The following EYA1 variants were observed in gnomAD, a reference collection of about 807,000 sequenced individuals.
EYA1 encodes EYA transcriptional coactivator and phosphatase 1.
A neutral mutation model predicts 82.0 loss-of-function variants in EYA1; 16 were observed. That is an observed-to-expected ratio of 0.20 (90% CI 0.13 to 0.30). The LOEUF (loss-of-function observed/expected upper bound fraction) is 0.30, where lower values mean the gene tolerates loss of function less well. EYA1 is among the 10% of genes least tolerant of loss of function. The pLI, the probability that EYA1 is intolerant of heterozygous loss-of-function variation, is 1.00. For synonymous variants in EYA1, 261 were observed against 264.4 expected (o/e 0.99, Z 0.12); for missense variants, 633 against 730.7 (o/e 0.87, Z 1.54).
At chr8:71,332,321 T>C (rs981199635) in intron 4 of EYA1, among the ~76,000 whole-genome samples, 6 of 152,126 alleles carry the variant, frequency 3.9e-5, no homozygotes, top group South Asian at 4.1e-4. Flanking sequence ...CAAACCCTAA[T>C]ATACTTGGCA....
rs192439880 is a variant in EYA1, at chr8:71,472,458, A to G, written c.33+63286T>C. Among the ~76,000 whole-genome samples, 216 of 152,232 alleles carry G rather than the reference A, an allele frequency of 1.4e-3. 1 individual carries two copies. Among genetic ancestry groups the G allele is most frequent in the African/African-American group, 4.9e-3 (203 of 41,570 alleles). ...TTAACCTTGTATGCAGTTTTGAATT[A>G]AAAATAGGTCAAGGCATAACCATGT... On this transcript the variant is annotated intron_variant, in intron 2 of 18. Coordinates refer to the EYA1 transcript ENST00000643681.
At chr8:71,219,796 T>C (rs1563639896) in intron 12 of EYA1, among the ~76,000 whole-genome samples, 1 of 152,154 alleles carries the variant, frequency 6.6e-6, no homozygotes, top group Non-Finnish European at 1.5e-5. Flanking sequence ...GAAACTGAAG[T>C]CTCCCATCAG....
At chr8:71,430,954 G>T (rs1179330893) in intron 2 of EYA1, among the ~76,000 whole-genome samples, 2 of 151,788 alleles carry the variant, frequency 1.3e-5, no homozygotes, top group African/African-American at 4.8e-5. Flanking sequence ...AAGACAGCTT[G>T]GCTTTAATTA....
At chr8:71,477,346 T>C (rs1429820280) in intron 2 of EYA1, among the ~76,000 whole-genome samples, 1 of 152,132 alleles carries the variant, frequency 6.6e-6, no homozygotes, top group African/African-American at 2.4e-5. Flanking sequence ...CAAGACTGTG[T>C]AAAGAACTCT....
intron 2 of EYA1, among the ~76,000 whole-genome samples, chr8:71,471,918 A>C (rs945860971): frequency 1.3e-5 from 2 of 152,078 alleles, no homozygotes; most frequent in Admixed American, 1.3e-4. Context: ...TTAAACTGAA[A>C]AACACAAAAT....
chr8:71,372,199 A>C (rs1417190777), intron 2 of EYA1, among the ~76,000 whole-genome samples: 1 of 152,140 alleles, frequency 6.6e-6, no homozygotes, highest in Admixed American at 6.5e-5. Context: ...ACTTCTAGAG[A>C]GAAAAAACAG....
At chr8:71,377,704 A>G (rs2129096328) in intron 2 of EYA1, among the ~76,000 whole-genome samples, 1 of 152,140 alleles carries the variant, frequency 6.6e-6, no homozygotes, top group South Asian at 2.1e-4. Flanking sequence ...CATCTTCTCA[A>G]ACTTAAACTT....
intron 2 of EYA1, among the ~76,000 whole-genome samples, chr8:71,461,004 A>C (rs1318182079): frequency 1.3e-5 from 2 of 152,256 alleles, no homozygotes; most frequent in Admixed American, 1.3e-4. Context: ...AGGAAGAACA[A>C]ACAGCATATG....
Position 71,361,927 on chromosome 8 carries a change from GAA to G in EYA1, c.-337_-336del. On this transcript the variant is annotated 5_prime_UTR_variant, in exon 1 of 18. It removes the in-frame stop codon of an upstream open reading frame in the 5' UTR. Coordinates refer to ENST00000340726, the MANE Select transcript of EYA1 (RefSeq NM_000503.6). The stretch of plus-strand genomic sequence containing the variant: ...AACCCGCCACAGTGGACGGCAACAG[GAA>G]GGCTTAAAGTCGGAAGTGGCACTGG... 1.0e-6 allele frequency: 1 copy of G among 985,466 alleles called. No homozygotes were observed. Among genetic ancestry groups the G allele is most frequent in the Non-Finnish European group, 1.2e-6 (1 of 829,974 alleles). 61.0% of individuals were successfully genotyped at this position (985,466 alleles called of 1,614,324 possible).
intron 1 of EYA1, among the ~76,000 whole-genome samples, chr8:71,539,630 G>T: frequency 6.6e-6 from 1 of 152,216 alleles, no homozygotes; most frequent in Non-Finnish European, 1.5e-5. Context: ...AAGGAAAGTG[G>T]TGGAGGAGAA....
chr8:71,348,726 C>T (rs1237007116), intron 3 of EYA1, among the ~76,000 whole-genome samples: 1 of 152,168 alleles, frequency 6.6e-6, no homozygotes, highest in Non-Finnish European at 1.5e-5. Flanking sequence ...CAGCCATTCT[C>T]TCTCCTCCAG....
Position 71,395,370 on chromosome 8 carries a change from A to G in EYA1, c.34-38859T>C, listed in dbSNP as rs191999841. Among the ~76,000 whole-genome samples, 183 of 152,300 alleles carry G rather than the reference A, an allele frequency of 1.2e-3. 1 individual carries two copies. Among genetic ancestry groups the G allele is most frequent in the Non-Finnish European group, 2.2e-3 (150 of 68,014 alleles). On this transcript the variant is annotated intron_variant, in intron 2 of 18. Transcript: ENST00000643681. Reference sequence around the variant, plus strand: ...AGAGAGGGCATCCCTGTCTTGTGCCAGTTTTCAAAGGGAATGCTTCCAGTT... The same window carrying G: ...AGAGAGGGCATCCCTGTCTTGTGCCGGTTTTCAAAGGGAATGCTTCCAGTT...
chr8:71,361,883 A>T lies in EYA1; in HGVS notation c.-291T>A. On this transcript the variant is annotated 5_prime_UTR_variant, in exon 1 of 18. Transcript: ENST00000340726. ...TCGGGCTGCCGAGCGACTGAGCGAA[A>T]ACGTGTTCCCCAGGAAGAAACCCGC... 1 of 985,492 alleles carries T rather than the reference A, an allele frequency of 1.0e-6. No homozygotes were observed. Among genetic ancestry groups the T allele is most frequent in the Non-Finnish European group, 1.2e-6 (1 of 829,988 alleles). The allele number at this position is 985,492 out of a possible 1,614,324, so 61.0% of individuals were successfully genotyped here.
intron 2 of EYA1, among the ~76,000 whole-genome samples, chr8:71,450,283 C>T (rs1807252161): frequency 1.3e-5 from 2 of 152,182 alleles, no homozygotes; most frequent in African/African-American, 4.8e-5. Context: ...TCATTCCTAG[C>T]TTTTGACTAA....
chr8:71,352,134 G>A (rs1025909276), intron 3 of EYA1, among the ~76,000 whole-genome samples: 6 of 152,058 alleles, frequency 3.9e-5, no homozygotes, highest in Non-Finnish European at 7.4e-5. Context: ...TTAATTCATC[G>A]GTAAACACTG....
intron 2 of EYA1, among the ~76,000 whole-genome samples, chr8:71,396,713 A>G (rs1209524324): frequency 6.6e-6 from 1 of 152,156 alleles, no homozygotes; most frequent in African/African-American, 2.4e-5. Flanking sequence ...ACTTCCAACT[A>G]TGTGGTCAAT....
In EYA1 at chr8:71,198,826, TG is replaced by T. The variant is rs1806573092; in HGVS notation, c.*513del. 1 of 163,154 alleles carries T rather than the reference TG, an allele frequency of 6.1e-6. No homozygotes were observed. Among genetic ancestry groups the T allele is most frequent in the South Asian group, 1.6e-4 (1 of 6,086 alleles). 10.1% of individuals were successfully genotyped at this position (163,154 alleles called of 1,614,324 possible). A position where few individuals can be genotyped will look rare whatever the true frequency, so the allele number is the denominator to read the frequency against. ...TGGGTGAATTATACCTCAATAAAGC[TG>T]TTTTTTTATCTTTTTAAAAAAAGTC... is the stretch of plus-strand genomic sequence containing the variant. On this transcript the variant is annotated 3_prime_UTR_variant, in exon 18 of 18. Coordinates refer to ENST00000340726, the MANE Select transcript of EYA1 (RefSeq NM_000503.6).
chr8:71,465,452 A>C (rs1167542817), intron 2 of EYA1, among the ~76,000 whole-genome samples: 1 of 152,014 alleles, frequency 6.6e-6, no homozygotes, highest in African/African-American at 2.4e-5. Context: ...GTGAAACTCC[A>C]TCTCTACTAA....
chr8:71,518,665 T>A (rs572043478), intron 2 of EYA1, among the ~76,000 whole-genome samples: 17 of 152,184 alleles, frequency 1.1e-4, no homozygotes, highest in Admixed American at 3.9e-4. Context: ...AGAGTATGAA[T>A]CAACCCAATG....
Sources: gnomAD v4.1 joint callset for allele counts (sites outside exome capture counted in the v4.1 genomes callset) on GRCh38, gnomAD v4.1.1 for gene constraint, MANE v1.5 for transcripts, NCBI Gene and HGNC (gene_info 2026-07-23, HGNC 2026-07-21) for gene names.